Variants in ARHGAP17 observed in about 807,000 individuals in gnomAD.
ARHGAP17 encodes the protein rho GTPase-activating protein 17.
ARHGAP17 carries 57 observed loss-of-function variants against 99.5 expected under a neutral mutation model. The ratio of observed to expected loss-of-function variants is 0.57; its 90% CI spans 0.46 to 0.71. ARHGAP17 has a LOEUF of 0.71. Among genes scored for constraint, ARHGAP17 ranks in the 30% least tolerant of loss-of-function variants. ARHGAP17 has a pLI of 0.00. For synonymous variants in ARHGAP17, 417 were observed against 429.6 expected (o/e 0.97, Z 0.36); for missense variants, 1,000 against 1,122.4 (o/e 0.89, Z 1.56).
intron 13 of ARHGAP17, 123 bp downstream of exon 13, chr16:24,949,281 T>C: frequency 3.0e-6 from 2 of 665,812 alleles, no homozygotes; most frequent in Non-Finnish European, 5.0e-6. Context: ...TCCAAAGTGA[T>C]GTGGTTTTTT....
intron 1 of ARHGAP17, among the ~76,000 whole-genome samples, chr16:24,984,060 T>C (rs1258329111): frequency 6.6e-6 from 1 of 152,192 alleles, no homozygotes; most frequent in Non-Finnish European, 1.5e-5. Flanking sequence ...AGTAGTTCAC[T>C]GTACCAAAAA....
At chr16:24,966,257 G>T (rs2052176842) in intron 6 of ARHGAP17, among the ~76,000 whole-genome samples, 1 of 152,176 alleles carries the variant, frequency 6.6e-6, no homozygotes, top group South Asian at 2.1e-4. Context: ...AACACTGTGG[G>T]AGGTCAAGAA....
At chr16:24,921,177 A>T (rs1351277819) in intron 19 of ARHGAP17, among the ~76,000 whole-genome samples, 1 of 152,188 alleles carries the variant, frequency 6.6e-6, no homozygotes, top group East Asian at 1.9e-4. Flanking sequence ...CAAGACAGGC[A>T]CAGCCTCAAT....
intron 1 of ARHGAP17, among the ~76,000 whole-genome samples, chr16:24,982,999 T>TATATA (rs59028948): frequency 4.5e-5 from 1 of 21,990 alleles, no homozygotes; most frequent in South Asian, 2.1e-3. Flanking sequence ...TATATATATT[T>TATATA]TTTTTTTTTT....
intron 19 of ARHGAP17, among the ~76,000 whole-genome samples, chr16:24,926,619 A>G (rs1339029528): frequency 1.3e-5 from 2 of 152,250 alleles, no homozygotes; most frequent in Non-Finnish European, 2.9e-5. Flanking sequence ...GAGAGTTTAA[A>G]AAGCAAACAC....
chr16:25,005,461 A>C (rs2053480018), intron 1 of ARHGAP17, among the ~76,000 whole-genome samples: 1 of 152,232 alleles, frequency 6.6e-6, no homozygotes, highest in Non-Finnish European at 1.5e-5. Context: ...TAAATACATC[A>C]AAGAATGGCA....
intron 1 of ARHGAP17, among the ~76,000 whole-genome samples, chr16:25,002,078 CT>C (rs1304859414): frequency 6.8e-6 from 1 of 146,966 alleles, no homozygotes; most frequent in African/African-American, 2.5e-5. Flanking sequence ...GAGACTCCAT[CT>C]AAAAAAAAAA....
At chr16:24,988,008 G>A (rs1014545723) in intron 1 of ARHGAP17, among the ~76,000 whole-genome samples, 1 of 152,160 alleles carries the variant, frequency 6.6e-6, no homozygotes, top group African/African-American at 2.4e-5. Flanking sequence ...CTAGGCAGTG[G>A]ATTTCATTCT....
chr16:24,984,481 C>T (rs529525342), intron 1 of ARHGAP17, among the ~76,000 whole-genome samples: 1 of 151,804 alleles, frequency 6.6e-6, no homozygotes, highest in African/African-American at 2.4e-5. Context: ...GGTGAAACCC[C>T]GTCTCTACTA....
chr16:25,009,120 C>G (rs948054804), intron 1 of ARHGAP17, among the ~76,000 whole-genome samples: 1 of 152,198 alleles, frequency 6.6e-6, no homozygotes, highest in Admixed American at 6.5e-5. Flanking sequence ...AACCCCAGCA[C>G]TTTGGGAGGC....
chr16:24,935,527 G>C lies in ARHGAP17; in HGVS notation c.1837C>G (p.Leu613Val), dbSNP rs2051114863. 6 of 1,613,428 alleles carry C rather than the reference G, an allele frequency of 3.7e-6. No individual in the cohort carries two copies. The highest frequency in any genetic ancestry group is 1.1e-5 in the South Asian group (1 of 90,920). Reference sequence around the variant, plus strand: ...GCATTGTGAGGTTGGCCCATGGAGAGCTGGTGGGAGCCAGCAGCTGCCTGG... The same window carrying C: ...GCATTGTGAGGTTGGCCCATGGAGACCTGGTGGGAGCCAGCAGCTGCCTGG... ...QPQAAAGSHQ[L>V]SMGQPHNAAG... The change falls in exon 18 of 20, where the codon CTC (leucine) becomes GTC (valine). Residue 613 changes from leucine (L) to valine (V), a missense_variant. Leu to Val is a conservative substitution (Grantham distance 32, BLOSUM62 1). Transcript: ENST00000289968.
chr16:24,976,016 A>T (rs1157490857), intron 3 of ARHGAP17, among the ~76,000 whole-genome samples: 1 of 150,048 alleles, frequency 6.7e-6, no homozygotes, highest in African/African-American at 2.5e-5. Flanking sequence ...ATGAGCTAGG[A>T]GTAGGACCAC....
intron 1 of ARHGAP17, among the ~76,000 whole-genome samples, chr16:25,000,637 T>C (rs2053336117): frequency 6.6e-6 from 1 of 152,230 alleles, no homozygotes; most frequent in Non-Finnish European, 1.5e-5. Context: ...AAGACTGCCC[T>C]GAGATTCAGA....
chr16:24,964,140 C>A (rs2052098452), intron 7 of ARHGAP17, 57 bp downstream of exon 7: 3 of 1,090,772 alleles, frequency 2.8e-6, no homozygotes, highest in Admixed American at 2.5e-5. Context: ...TACATTTGAA[C>A]TTTCATCCCT....
rs201275465 is a variant in ARHGAP17, at chr16:24,931,357, G to A, written c.1942C>T (p.Pro648Ser). ...GAACTCTGGCCCCCGGGGTGGCCAGGAGGTGGGTTGCCCGGTTTCGGGGGT... is the reference window on the plus strand; with the variant it reads ...GAACTCTGGCCCCCGGGGTGGCCAGAAGGTGGGTTGCCCGGTTTCGGGGGT... ...PAPPKPGNPP[P>S]GHPGGQSSSG... The change falls in exon 19 of 20, where the codon CCT becomes TCT. Residue 648 changes from proline to serine, a missense_variant. Physicochemically the swap from Pro to Ser is moderately conservative, Grantham distance 74. Transcript: ENST00000289968. The A allele has an allele frequency of 1.3e-6, 2 of 1,513,936 alleles. No homozygotes were observed. Among genetic ancestry groups the A allele is most frequent in the South Asian group, 1.3e-5 (1 of 74,382 alleles). The allele number at this position is 1,513,936 out of a possible 1,614,324, so 93.8% of individuals were successfully genotyped here.
At chr16:24,978,662 A>G (rs1310443511) in intron 2 of ARHGAP17, among the ~76,000 whole-genome samples, 1 of 152,132 alleles carries the variant, frequency 6.6e-6, no homozygotes, top group African/African-American at 2.4e-5. Flanking sequence ...TGTGAGGTGG[A>G]TAAGGCCTTT....
chr16:24,965,199 G>A (rs573402674), intron 6 of ARHGAP17, among the ~76,000 whole-genome samples: 3 of 152,290 alleles, frequency 2.0e-5, no homozygotes, highest in East Asian at 1.9e-4. Context: ...GGCCGGGTGC[G>A]TTGGCTCACG....
At chr16:24,973,117 G>A (rs1294415600) in intron 3 of ARHGAP17, among the ~76,000 whole-genome samples, 1 of 152,142 alleles carries the variant, frequency 6.6e-6, no homozygotes, top group Non-Finnish European at 1.5e-5. Flanking sequence ...TTACAGGAGT[G>A]CAGCACCATG....
At chr16:24,968,290 T>C (rs1342159209) in intron 6 of ARHGAP17, 61 bp downstream of exon 6, 21 of 1,573,116 alleles carry the variant, frequency 1.3e-5, no homozygotes, top group East Asian at 2.2e-5. Flanking sequence ...CCACTGTCAG[T>C]GGTCTTCTCC....
Sources: allele counts gnomAD v4.1 joint callset (sites outside exome capture counted in the v4.1 genomes callset), GRCh38; gene constraint gnomAD v4.1.1; transcripts MANE v1.5; gene names NCBI Gene and HGNC (gene_info 2026-07-23, HGNC 2026-07-21).